SNAP91: variants seen among roughly 807,000 people sequenced by gnomAD.
SNAP91 encodes clathrin coat assembly protein AP180.
Under a neutral mutation model 100.3 loss-of-function variants are expected in SNAP91, and 27 were observed. The observed-to-expected ratio is 0.27, with a 90% CI of 0.20 to 0.37. SNAP91 has a LOEUF of 0.37. SNAP91 is among the 10% of genes least tolerant of loss of function. SNAP91 has a pLI of 1.00. For missense variants in SNAP91, 986 were observed against 1,123.7 expected (o/e 0.88, Z 1.75); for synonymous variants, 404 against 398.6 (o/e 1.01, Z -0.16).
At chr6:83,678,501 T>A (rs1282693422) in intron 2 of SNAP91, among the ~76,000 whole-genome samples, 1 of 152,176 alleles carries the variant, frequency 6.6e-6, no homozygotes, top group Admixed American at 6.6e-5. Context: ...TCTGTTCCAA[T>A]CAAGCTGCCT....
intron 2 of SNAP91, among the ~76,000 whole-genome samples, chr6:83,703,158 GT>G (rs1220786370): frequency 0.019 from 1,682 of 90,754 alleles, 17 homozygotes; most frequent in African/African-American, 0.037. Flanking sequence ...GAGAGGGTGT[GT>G]TTTTTTTTTT....
At chr6:83,699,230 G>A (rs2099261358) in intron 2 of SNAP91, among the ~76,000 whole-genome samples, 1 of 151,994 alleles carries the variant, frequency 6.6e-6, no homozygotes, top group Admixed American at 6.6e-5. Context: ...AAAAACAATA[G>A]AAACAGAACT....
At chr6:83,663,951 A>G (rs527624136) in intron 3 of SNAP91, among the ~76,000 whole-genome samples, 117 of 152,244 alleles carry the variant, frequency 7.7e-4, no homozygotes, top group African/African-American at 2.6e-3. Flanking sequence ...CTCATTTACC[A>G]TTCTGAAAAT....
At chr6:83,677,983 G>A (rs1261362052) in intron 2 of SNAP91, among the ~76,000 whole-genome samples, 7 of 152,176 alleles carry the variant, frequency 4.6e-5, no homozygotes, top group African/African-American at 7.2e-5. Context: ...ATTGCTGGAA[G>A]GATGGCCTTT....
At chr6:83,595,054 A>T (rs2094303490) in intron 16 of SNAP91, among the ~76,000 whole-genome samples, 1 of 152,170 alleles carries the variant, frequency 6.6e-6, no homozygotes, top group Non-Finnish European at 1.5e-5. Flanking sequence ...TTAAGTCTTC[A>T]CTATCCCTGA....
chr6:83,585,044 T>C (rs957727899), intron 22 of SNAP91, among the ~76,000 whole-genome samples: 8 of 152,146 alleles, frequency 5.3e-5, no homozygotes, highest in African/African-American at 1.9e-4. Context: ...CAACTGATTA[T>C]CTCAAAAAAA....
At chr6:83,702,292 G>A (rs929009938) in intron 2 of SNAP91, among the ~76,000 whole-genome samples, 1 of 152,082 alleles carries the variant, frequency 6.6e-6, no homozygotes, top group Non-Finnish European at 1.5e-5. Context: ...GGCCCCTAGG[G>A]AATAGGGTTA....
chr6:83,707,836 G>T lies in SNAP91; in HGVS notation c.92C>A (p.Thr31Asn). ...TTTCTTGGGGCCCATTACTTCATGAGTAGTGGCTTTGCAGACCGCTCTTGC... is the reference window on the plus strand; with the variant it reads ...TTTCTTGGGGCCCATTACTTCATGATTAGTGGCTTTGCAGACCGCTCTTGC... ...AVARAVCKAT[T>N]HEVMGPKKKH... The change falls in exon 2 of 30, where the codon ACT (threonine) becomes AAT (asparagine). Residue 31 changes from threonine (T) to asparagine (N), a missense_variant. Thr to Asn is a moderately conservative substitution (Grantham distance 65). This residue lies in a region of SNAP91 where 330 missense variants were observed against 447.5 expected (regional missense o/e 0.74). Transcript: ENST00000369694. 1 of 1,613,296 alleles carries T rather than the reference G, an allele frequency of 6.2e-7. No homozygotes were observed. Among genetic ancestry groups the T allele is most frequent in the Non-Finnish European group, 8.5e-7 (1 of 1,179,610 alleles).
chr6:83,581,234 T>C (rs942254537), intron 23 of SNAP91, among the ~76,000 whole-genome samples: 1 of 152,194 alleles, frequency 6.6e-6, no homozygotes, highest in Non-Finnish European at 1.5e-5. Context: ...AGTCAGCATC[T>C]AGTAATAGGT....
At chr6:83,654,002 T>C (rs2098311303) in intron 7 of SNAP91, among the ~76,000 whole-genome samples, 1 of 152,154 alleles carries the variant, frequency 6.6e-6, no homozygotes, top group Non-Finnish European at 1.5e-5. Flanking sequence ...TATTTCAAAA[T>C]GGTTCCTTTT....
chr6:83,592,029 C>T (rs2128195067), intron 21 of SNAP91, among the ~76,000 whole-genome samples: 1 of 152,298 alleles, frequency 6.6e-6, no homozygotes, highest in Non-Finnish European at 1.5e-5. Context: ...AACATCTAGA[C>T]TTATGCTTTC....
chr6:83,707,864 C>T lies in SNAP91; in HGVS notation c.64G>A (p.Val22Ile), dbSNP rs1210209339. 2 of 1,612,690 alleles carry T rather than the reference C, an allele frequency of 1.2e-6. No individual in the cohort carries two copies. Among genetic ancestry groups the T allele is most frequent in the Admixed American group, 1.7e-5 (1 of 59,724 alleles). ...GTGGCTTTGCAGACCGCTCTTGCTA[C>T]AGCAGAGCCTGTAACGCTGTACTGA... ...AAQYSVTGSA[V>I]ARAVCKATTH... is the part of the protein sequence containing the mutation. The change falls in exon 2 of 30, where the codon GTA becomes ATA. Residue 22 changes from valine to isoleucine, a missense_variant. Val to Ile is a conservative substitution (Grantham distance 29). This residue lies in a region of SNAP91 where 330 missense variants were observed against 447.5 expected (regional missense o/e 0.74). Coordinates refer to ENST00000369694, the MANE Select transcript of SNAP91 (RefSeq NM_001242792.2).
chr6:83,593,594 G>A lies in SNAP91; in HGVS notation c.1580C>T (p.Pro527Leu). 6.3e-7 allele frequency: 1 copy of A among 1,578,784 alleles called. No individual in the cohort carries two copies. ...PVPATAPSPA[P>L]AVAAAAAATT... is the part of the protein sequence containing the mutation. ...GGCAGCAGCAGCAGCTGCAACGGCAGGAGCAGGAGAAGGAGCAGTTGCGGG... is the reference window on the plus strand; with the variant it reads ...GGCAGCAGCAGCAGCTGCAACGGCAAGAGCAGGAGAAGGAGCAGTTGCGGG... Residue 527 changes from proline to leucine, a missense_variant, in exon 18 of 30, where the codon CCT (proline) becomes CTT (leucine). Around this residue, in one of 4 missense-constraint regions of SNAP91, gnomAD observed 575 missense variants for 579.9 expected, o/e 0.99. Coordinates refer to ENST00000369694, the MANE Select transcript of SNAP91 (RefSeq NM_001242792.2).
intron 5 of SNAP91, among the ~76,000 whole-genome samples, chr6:83,659,967 G>T (rs1401053695): frequency 2.0e-5 from 3 of 152,194 alleles, no homozygotes; most frequent in Non-Finnish European, 4.4e-5. Context: ...ACTGCACCTT[G>T]TCTCCACCTT....
chr6:83,629,119 T>C (rs534478875), intron 8 of SNAP91, among the ~76,000 whole-genome samples: 2 of 152,072 alleles, frequency 1.3e-5, no homozygotes, highest in African/African-American at 4.8e-5. Context: ...ATTGAAAAGG[T>C]TGTCCTTCCC....
intron 5 of SNAP91, among the ~76,000 whole-genome samples, chr6:83,659,448 A>G (rs2098486524): frequency 7.4e-6 from 1 of 135,720 alleles, no homozygotes; most frequent in Admixed American, 7.7e-5. Flanking sequence ...TTTTTTTGAG[A>G]CAGTCTCACT....
chr6:83,564,128 G>A (rs1306848170), intron 26 of SNAP91, among the ~76,000 whole-genome samples: 2 of 152,104 alleles, frequency 1.3e-5, no homozygotes, highest in African/African-American at 4.8e-5. Context: ...AATCAAAACA[G>A]TGTGGTACTA....
chr6:83,574,904 G>A, intron 26 of SNAP91, 106 bp downstream of exon 26: 3 of 682,066 alleles, frequency 4.4e-6, no homozygotes, highest in Non-Finnish European at 7.6e-6. Context: ...TCAATGCAGA[G>A]GAATAAGTAC....
intron 8 of SNAP91, among the ~76,000 whole-genome samples, chr6:83,639,097 C>A (rs1315818039): frequency 6.6e-6 from 1 of 152,122 alleles, no homozygotes; most frequent in Non-Finnish European, 1.5e-5. Context: ...ATACAATGAG[C>A]AACTTACTGT....
Sources: gnomAD v4.1 joint callset for allele counts (sites outside exome capture counted in the v4.1 genomes callset) on GRCh38, gnomAD v4.1.1 for gene constraint, gnomAD v4.1.1 regional missense constraint, MANE v1.5 for transcripts, NCBI Gene and HGNC (gene_info 2026-07-23, HGNC 2026-07-21) for gene names.